ULK4: variants seen among roughly 807,000 people sequenced by gnomAD.
ULK4 encodes inactive serine/threonine-protein kinase ULK4.
In ULK4, 133 loss-of-function variants were observed where a neutral mutation model predicts 160.6. That is an observed-to-expected ratio of 0.83 (90% CI 0.72 to 0.96). The LOEUF is 0.96. Ranked by LOEUF, ULK4 falls within the 40% of genes least tolerant of loss-of-function variation. ULK4 has a pLI of 0.00. For synonymous variants in ULK4, 534 were observed against 539.8 expected, an observed-to-expected ratio of 0.99 and a Z score of 0.15; for missense variants, 1,580 against 1,499.5, an observed-to-expected ratio of 1.05 and a Z score of -0.89.
At chr3:41,819,383 C>A in intron 19 of ULK4, 40 bp downstream of exon 19, 2 of 1,587,424 alleles carry the variant, frequency 1.3e-6, no homozygotes, top group Admixed American at 3.5e-5. Flanking sequence ...AGGGTTATTA[C>A]AATTGCCAGC....
intron 32 of ULK4, among the ~76,000 whole-genome samples, chr3:41,475,434 T>C (rs903545036): frequency 6.6e-6 from 1 of 152,284 alleles, no homozygotes; most frequent in Middle Eastern, 3.4e-3. Flanking sequence ...CACAGCATGG[T>C]GAATATAGTA....
At chr3:41,562,503 T>C (rs1168521978) in intron 32 of ULK4, among the ~76,000 whole-genome samples, 1 of 152,136 alleles carries the variant, frequency 6.6e-6, no homozygotes, top group African/African-American at 2.4e-5. Flanking sequence ...TCTAAGTCTG[T>C]TTGTAGATCT....
intron 35 of ULK4, among the ~76,000 whole-genome samples, chr3:41,388,629 G>A (rs1214473841): frequency 6.6e-6 from 1 of 152,004 alleles, no homozygotes; most frequent in African/African-American, 2.4e-5. Context: ...TGTTAAATAG[G>A]GAATCCTTTC....
Position 41,641,609 on chromosome 3 carries a change from C to A in ULK4, c.3071+21998G>T, listed in dbSNP as rs1245771311. Among the ~76,000 whole-genome samples the A allele has an allele frequency of 3.3e-5, 5 of 152,178 alleles. No homozygotes were observed. The South Asian group carries it at 1.0e-3, about 32-fold the overall frequency. The stretch of plus-strand genomic sequence containing the variant: ...GCTAAAACTTTTAAATCATAAAAAC[C>A]ACTGGCCCTAAAGCCTGGAAGACCC... On this transcript the variant is annotated intron_variant, in intron 30 of 36. Transcript: ENST00000301831.
At chr3:41,924,385 C>G (rs895950513) in intron 5 of ULK4, among the ~76,000 whole-genome samples, 2 of 152,196 alleles carry the variant, frequency 1.3e-5, no homozygotes, top group African/African-American at 2.4e-5. Context: ...AAGGTCAGGG[C>G]TGATTCTGCC....
chr3:41,613,295 C>A (rs541106256), intron 31 of ULK4, among the ~76,000 whole-genome samples: 39 of 152,242 alleles, frequency 2.6e-4, no homozygotes, highest in African/African-American at 9.4e-4. Context: ...GACACGGTTT[C>A]TTATTACTTA....
At chr3:41,497,967 T>C (rs2085050759) in intron 32 of ULK4, among the ~76,000 whole-genome samples, 1 of 152,212 alleles carries the variant, frequency 6.6e-6, no homozygotes, top group Non-Finnish European at 1.5e-5. Flanking sequence ...GAGATTTTAA[T>C]ACTTCTCTCA....
At chr3:41,732,638 A>G (rs1294838062) in intron 22 of ULK4, among the ~76,000 whole-genome samples, 1 of 152,172 alleles carries the variant, frequency 6.6e-6, no homozygotes, top group Non-Finnish European at 1.5e-5. Context: ...AAGAAAAATA[A>G]TTCAATATAT....
intron 35 of ULK4, among the ~76,000 whole-genome samples, chr3:41,268,099 G>C (rs1174738877): frequency 1.3e-5 from 2 of 152,154 alleles, no homozygotes; most frequent in East Asian, 3.9e-4. Context: ...AGGTGGACTG[G>C]CATCTAATGG....
At chr3:41,364,638 T>C (rs879289118) in intron 35 of ULK4, among the ~76,000 whole-genome samples, 2 of 152,206 alleles carry the variant, frequency 1.3e-5, no homozygotes, top group Admixed American at 1.3e-4. Flanking sequence ...AATGTTATCA[T>C]TATCATTTAA....
chr3:41,412,551 G>C (rs1326532743), intron 34 of ULK4, among the ~76,000 whole-genome samples: 1 of 109,644 alleles, frequency 9.1e-6, no homozygotes, highest in African/African-American at 4.0e-5. Context: ...CAATGCAGTT[G>C]AATTTTTTTT....
At chr3:41,438,058 A>G (rs1313761264) in intron 34 of ULK4, among the ~76,000 whole-genome samples, 1 of 151,764 alleles carries the variant, frequency 6.6e-6, no homozygotes, top group African/African-American at 2.4e-5. Context: ...TATTTTCCAA[A>G]CGAAAATAAC....
At chr3:41,377,189 G>T (rs1333097991) in intron 35 of ULK4, among the ~76,000 whole-genome samples, 2 of 152,142 alleles carry the variant, frequency 1.3e-5, no homozygotes, top group African/African-American at 2.4e-5. Flanking sequence ...AGCTGAAACT[G>T]GATCCCTTCC....
chr3:41,737,091 T>C (rs1459261710), intron 22 of ULK4, among the ~76,000 whole-genome samples: 1 of 151,990 alleles, frequency 6.6e-6, no homozygotes, highest in African/African-American at 2.4e-5. Flanking sequence ...TTTTGGTTAC[T>C]GTAGCCTTGT....
rs1487695189 is a variant in ULK4, at chr3:41,875,447, G to C, written c.1656+8427C>G. ...AAAAGGCCAGCCTGGGCAACATAGG[G>C]AGACTACGTCTCTACAAAAAATAAA... On this transcript the variant is annotated intron_variant, in intron 17 of 36. Coordinates refer to ENST00000301831, the MANE Select transcript of ULK4 (RefSeq NM_017886.4). Among the ~76,000 whole-genome samples the C allele has an allele frequency of 6.6e-5, 10 of 152,070 alleles. No homozygotes were observed. In the East Asian group the frequency reaches 1.9e-3, roughly 29 times the overall value.
intron 29 of ULK4, among the ~76,000 whole-genome samples, chr3:41,679,420 T>C (rs1395483634): frequency 6.6e-6 from 1 of 152,230 alleles, no homozygotes; most frequent in African/African-American, 2.4e-5. Context: ...ACAGAATCAG[T>C]CTGAAAGGTT....
At chr3:41,552,120 T>C (rs1321155203) in intron 32 of ULK4, among the ~76,000 whole-genome samples, 1 of 151,796 alleles carries the variant, frequency 6.6e-6, no homozygotes, top group Non-Finnish European at 1.5e-5. Context: ...CAGTATATAG[T>C]AATAAAGGCC....
chr3:41,822,800 C>T (rs1162383449), intron 18 of ULK4, among the ~76,000 whole-genome samples: 1 of 147,696 alleles, frequency 6.8e-6, no homozygotes, highest in Admixed American at 6.8e-5. Flanking sequence ...TGGCTCACTG[C>T]AAGCTCCGCC....
chr3:41,467,015 A>T (rs900809474), intron 32 of ULK4, among the ~76,000 whole-genome samples: 1 of 152,214 alleles, frequency 6.6e-6, no homozygotes, highest in Non-Finnish European at 1.5e-5. Flanking sequence ...CCATACATAC[A>T]TATAAATAAT....
Sources: gnomAD v4.1 joint callset for allele counts (sites outside exome capture counted in the v4.1 genomes callset) on GRCh38, gnomAD v4.1.1 for gene constraint, MANE v1.5 for transcripts, NCBI Gene and HGNC (gene_info 2026-07-23, HGNC 2026-07-21) for gene names.